Variants in CCDC91 observed in about 807,000 individuals in gnomAD.
The protein encoded by CCDC91 is coiled-coil domain-containing protein 91.
A neutral mutation model predicts 63.2 loss-of-function variants in CCDC91; 48 were observed. The ratio of observed to expected loss-of-function variants is 0.76; its 90% CI spans 0.60 to 0.97. CCDC91 has a LOEUF of 0.97. Ranked by LOEUF, CCDC91 falls within the 50% of genes least tolerant of loss-of-function variation. CCDC91 has a pLI of 0.00. For synonymous variants in CCDC91, 167 were observed against 165.8 expected, an observed-to-expected ratio of 1.01 and a Z score of -0.06; for missense variants, 500 against 494.6, an observed-to-expected ratio of 1.01 and a Z score of -0.10.
intron 4 of CCDC91, 42 bp from the exon 5 acceptor site, chr12:28,306,700 A>C: frequency 7.1e-7 from 1 of 1,410,600 alleles, no homozygotes; most frequent in South Asian, 1.3e-5. Flanking sequence ...GGTATAGTGT[A>C]AACTTTCCTC....
chr12:28,321,768 T>C (rs1169521845), intron 6 of CCDC91, among the ~76,000 whole-genome samples: 2 of 151,896 alleles, frequency 1.3e-5, no homozygotes, highest in Non-Finnish European at 2.9e-5. Flanking sequence ...AATAAATTTT[T>C]GTCATTTAAG....
Position 28,394,711 on chromosome 12 carries a change from G to GCTCTCTCTCTCTCTCTCTCT in CCDC91, c.762+3302_762+3321dup, listed in dbSNP as rs151131648. 4.8e-3 allele frequency among the ~76,000 whole-genome samples: 654 copies of GCTCTCTCTCTCTCTCTCTCT among 137,014 alleles called. 18 individuals are homozygous for GCTCTCTCTCTCTCTCTCTCT. The highest frequency in any genetic ancestry group is 6.8e-3 in the Non-Finnish European group (413 of 60,860). The allele number at this position is 137,014 out of a possible 152,430, so 89.9% of individuals were successfully genotyped here. On this transcript the variant is annotated intron_variant, in intron 8 of 12. Coordinates refer to ENST00000536442, the MANE Select transcript of CCDC91 (RefSeq NM_018318.5). Reference sequence around the variant, plus strand: ...TTTGGTTCAACCTTTTCTGTTTCTTGCTCTCTCTCTCTCTCTCTCTCCCCC... The same window carrying GCTCTCTCTCTCTCTCTCTCT: ...TTTGGTTCAACCTTTTCTGTTTCTTGCTCTCTCTCTCTCTCTCTCTCTCTCTCTCTCTCTCTCTCTCCCCC...
chr12:28,534,468 G>A (rs1271967110), intron 12 of CCDC91, among the ~76,000 whole-genome samples: 1 of 152,144 alleles, frequency 6.6e-6, no homozygotes, highest in Admixed American at 6.6e-5. Flanking sequence ...TGCCAGTCAA[G>A]CTTTCTTTGC....
At chr12:28,520,978 T>C (rs1449793567) in intron 12 of CCDC91, among the ~76,000 whole-genome samples, 1 of 152,176 alleles carries the variant, frequency 6.6e-6, no homozygotes, top group African/African-American at 2.4e-5. Context: ...ACTGTAGCCT[T>C]GTAGTATAGT....
chr12:28,460,979 C>G (rs1950279286), intron 11 of CCDC91, among the ~76,000 whole-genome samples: 1 of 151,874 alleles, frequency 6.6e-6, no homozygotes, highest in Non-Finnish European at 1.5e-5. Flanking sequence ...TTCTAGAAAC[C>G]TAGGTGGTAC....
chr12:28,220,394 ATC>A (rs1943858115), intron 1 of CCDC91, among the ~76,000 whole-genome samples: 1 of 151,924 alleles, frequency 6.6e-6, no homozygotes, highest in Non-Finnish European at 1.5e-5. Context: ...CTTTTATTTC[ATC>A]TCTCATTGTG....
At chr12:28,204,599 C>G (rs1035013431) in intron 1 of CCDC91, among the ~76,000 whole-genome samples, 1 of 152,080 alleles carries the variant, frequency 6.6e-6, no homozygotes, top group Non-Finnish European at 1.5e-5. Flanking sequence ...GAGGGAAAGT[C>G]ATGTTAGGTA....
intron 8 of CCDC91, among the ~76,000 whole-genome samples, chr12:28,443,983 C>A (rs544377010): frequency 7.0e-6 from 1 of 143,048 alleles, no homozygotes; most frequent in South Asian, 2.2e-4. Flanking sequence ...CATACTATTT[C>A]TATATCCCTA....
rs909513329 is a variant in CCDC91 at position 28,225,086 on chromosome 12, A to G, written c.-14-32116A>G. 2.0e-5 allele frequency among the ~76,000 whole-genome samples: 3 copies of G among 152,198 alleles called. No homozygotes were observed. The South Asian group carries it at 6.2e-4, about 31-fold the overall frequency. On this transcript the variant is annotated intron_variant, in intron 1 of 12. Transcript: ENST00000536442. ...TGATGCCAAGTTTAGTGCTCTTTCC[A>G]CTACCTTGGGATCTCTTCTCATCCT...
At chr12:28,531,074 T>C (rs577607166) in intron 12 of CCDC91, among the ~76,000 whole-genome samples, 2 of 152,254 alleles carry the variant, frequency 1.3e-5, no homozygotes, top group East Asian at 3.9e-4. Context: ...CAAAACGGAC[T>C]AGGACATTGA....
intron 8 of CCDC91, among the ~76,000 whole-genome samples, chr12:28,392,420 C>G (rs1413098712): frequency 6.6e-6 from 1 of 152,102 alleles, no homozygotes; most frequent in East Asian, 1.9e-4. Context: ...CCTGGGAACT[C>G]TACTGATATT....
At chr12:28,348,882 T>C (rs1270343466) in intron 6 of CCDC91, among the ~76,000 whole-genome samples, 2 of 151,918 alleles carry the variant, frequency 1.3e-5, no homozygotes, top group Non-Finnish European at 2.9e-5. Context: ...CGCCACCGTG[T>C]CTGACTAATT....
chr12:28,277,647 T>A (rs2136504243), intron 3 of CCDC91, among the ~76,000 whole-genome samples: 1 of 152,154 alleles, frequency 6.6e-6, no homozygotes, highest in Middle Eastern at 3.4e-3. Flanking sequence ...GTAGTCAATT[T>A]TTTTCTATTT....
At chr12:28,532,037 CTT>C (rs1373511143) in intron 12 of CCDC91, among the ~76,000 whole-genome samples, 3 of 152,136 alleles carry the variant, frequency 2.0e-5, no homozygotes, top group South Asian at 4.1e-4. Flanking sequence ...TAAAAAGAGA[CTT>C]GAATGTAGAG....
intron 7 of CCDC91, among the ~76,000 whole-genome samples, chr12:28,389,221 C>T (rs1370611426): frequency 2.6e-5 from 4 of 152,054 alleles, no homozygotes; most frequent in East Asian, 1.9e-4. Context: ...TTCTCTGATA[C>T]CCATCCTGCA....
At chr12:28,407,648 G>A (rs1341512291) in intron 8 of CCDC91, among the ~76,000 whole-genome samples, 1 of 152,142 alleles carries the variant, frequency 6.6e-6, no homozygotes, top group South Asian at 2.1e-4. Flanking sequence ...CTGTTGGTAT[G>A]TTGATTTTGG....
intron 7 of CCDC91, among the ~76,000 whole-genome samples, chr12:28,381,405 C>G (rs1161445878): frequency 6.6e-6 from 1 of 151,786 alleles, no homozygotes; most frequent in Non-Finnish European, 1.5e-5. Context: ...GTCATGGTAA[C>G]ATATGCACTT....
At chr12:28,245,612 A>G (rs1945678354) in intron 1 of CCDC91, among the ~76,000 whole-genome samples, 1 of 152,190 alleles carries the variant, frequency 6.6e-6, no homozygotes, top group Non-Finnish European at 1.5e-5. Flanking sequence ...ATCAAGAATT[A>G]TTTTAAAAAA....
chr12:28,536,353 A>G (rs1159153824), intron 12 of CCDC91, among the ~76,000 whole-genome samples: 3 of 152,250 alleles, frequency 2.0e-5, no homozygotes, highest in Admixed American at 2.0e-4. Flanking sequence ...TGAAAAGGAC[A>G]GAAAGATCAT....
Sources: allele counts gnomAD v4.1 joint callset (sites outside exome capture counted in the v4.1 genomes callset), GRCh38; gene constraint gnomAD v4.1.1; transcripts MANE v1.5; gene names NCBI Gene and HGNC (gene_info 2026-07-23, HGNC 2026-07-21).